CELF2: variants seen among roughly 807,000 people sequenced by gnomAD.
CELF2 encodes the protein CUG triplet repeat RNA-binding protein 2.
A neutral mutation model predicts 62.6 loss-of-function variants in CELF2; 8 were observed. The ratio of observed to expected loss-of-function variants is 0.13; its 90% CI spans 0.07 to 0.23. CELF2 has a LOEUF of 0.23. Ranked by LOEUF, CELF2 falls within the 10% of genes least tolerant of loss-of-function variation. CELF2 has a pLI of 1.00. For synonymous variants in CELF2, 258 were observed against 250.0 expected, an observed-to-expected ratio of 1.03 and a Z score of -0.30; for missense variants, 333 against 671.0, an observed-to-expected ratio of 0.50 and a Z score of 5.56.
At chr10:10,551,016 T>C in the CELF2 span, among the ~76,000 whole-genome samples, 560 of 152,268 alleles carry the variant, frequency 3.7e-3, 2 homozygotes, top group African/African-American at 0.013. Context: ...CTTAATTCAG[T>C]CCAAATTCCT....
At chr10:10,559,936 T>C in the CELF2 span, among the ~76,000 whole-genome samples, 3 of 152,186 alleles carry the variant, frequency 2.0e-5, no homozygotes, top group African/African-American at 7.2e-5. Context: ...TGATGAAGCT[T>C]TAGAAGTCCC....
At chr10:11,054,273 CA>C (rs2064651345) in intron 1 of CELF2, among the ~76,000 whole-genome samples, 1 of 152,176 alleles carries the variant, frequency 6.6e-6, no homozygotes, top group Non-Finnish European at 1.5e-5. Context: ...TTTCCTTCAC[CA>C]AAGCTTTGAT....
At position 11,279,743 on chromosome 10, in the gene CELF2, AT is replaced by A. The variant is rs368849009; in HGVS notation, c.841+4631del. On this transcript the variant is annotated intron_variant, in intron 8 of 12. Coordinates refer to ENST00000633077, the MANE Select transcript of CELF2 (RefSeq NM_001326342.2). ...TTTCATGCCCTTCTCCTTATAAATA[AT>A]TTTTTTTAAATCTTAAGTTTCAAGT... Among the ~76,000 whole-genome samples the A allele has an allele frequency of 7.4e-3, 1,125 of 152,192 alleles. 12 individuals are homozygous for A. Among genetic ancestry groups the A allele is most frequent in the African/African-American group, 0.025 (1,048 of 41,514 alleles).
chr10:11,119,425 A>G (rs1013367450), intron 1 of CELF2, among the ~76,000 whole-genome samples: 1 of 152,210 alleles, frequency 6.6e-6, no homozygotes, highest in Non-Finnish European at 1.5e-5. Flanking sequence ...TTTCTTTCAT[A>G]GCACTTTAAA....
At chr10:11,240,090 A>G (rs1251109646) in intron 3 of CELF2, among the ~76,000 whole-genome samples, 2 of 152,232 alleles carry the variant, frequency 1.3e-5, no homozygotes, top group Non-Finnish European at 2.9e-5. Context: ...GTTAATCGTG[A>G]TATGTAAAAG....
chr10:10,699,025 C>G, the CELF2 span, among the ~76,000 whole-genome samples: 4 of 151,862 alleles, frequency 2.6e-5, no homozygotes, highest in East Asian at 7.7e-4. Context: ...TATATAGTAT[C>G]CATATAATAT....
At chr10:10,569,006 A>G in the CELF2 span, among the ~76,000 whole-genome samples, 43,945 of 152,066 alleles carry the variant, frequency 0.29, 6,563 homozygotes, top group East Asian at 0.5. Context: ...ATAAAATAGA[A>G]AAAAGGCTAG....
At chr10:10,479,050 G>A in the CELF2 span, among the ~76,000 whole-genome samples, 14 of 152,084 alleles carry the variant, frequency 9.2e-5, no homozygotes, top group African/African-American at 2.2e-4. Flanking sequence ...ATTTTTTTAC[G>A]TTGCTTCCTT....
chr10:10,670,976 AGGCAACAT>A, the CELF2 span, among the ~76,000 whole-genome samples: 1 of 151,990 alleles, frequency 6.6e-6, no homozygotes, highest in Non-Finnish European at 1.5e-5. Context: ...AGACCAGCCT[AGGCAACAT>A]GGCAAAACCC....
chr10:10,508,492 C>T, the CELF2 span, among the ~76,000 whole-genome samples: 1 of 152,192 alleles, frequency 6.6e-6, no homozygotes, highest in Non-Finnish European at 1.5e-5. Context: ...TGGCCCAAGC[C>T]ATCTGAAATG....
the CELF2 span, among the ~76,000 whole-genome samples, chr10:10,545,126 G>A: frequency 2.0e-5 from 3 of 152,202 alleles, no homozygotes; most frequent in African/African-American, 7.2e-5. Flanking sequence ...TGACGAGGAA[G>A]ACAAGGGACC....
intron 1 of CELF2, among the ~76,000 whole-genome samples, chr10:11,065,623 A>G (rs1644208540): frequency 1.3e-5 from 2 of 152,216 alleles, no homozygotes; most frequent in African/African-American, 4.8e-5. Flanking sequence ...AAAAACTTAA[A>G]TCTAAAATAT....
the CELF2 span, among the ~76,000 whole-genome samples, chr10:10,522,609 G>T: frequency 3.3e-5 from 5 of 152,088 alleles, no homozygotes; most frequent in Non-Finnish European, 5.9e-5. Flanking sequence ...TGCTCTTATT[G>T]TCCAGGCTGG....
At chr10:11,022,080 C>T (rs2138152159) in intron 1 of CELF2, among the ~76,000 whole-genome samples, 1 of 152,256 alleles carries the variant, frequency 6.6e-6, no homozygotes, top group South Asian at 2.1e-4. Context: ...TTAGAAAATG[C>T]AGTTATAAAT....
At chr10:10,553,121 C>T in the CELF2 span, among the ~76,000 whole-genome samples, 1 of 152,170 alleles carries the variant, frequency 6.6e-6, no homozygotes, top group Non-Finnish European at 1.5e-5. Flanking sequence ...GCAAGGTAGG[C>T]CTCAGCAAAC....
At chr10:10,702,783 G>A in the CELF2 span, among the ~76,000 whole-genome samples, 2 of 152,074 alleles carry the variant, frequency 1.3e-5, no homozygotes, top group East Asian at 1.9e-4. Context: ...ACGGGTTTTC[G>A]CCATGTTGGC....
chr10:10,596,119 G>T, the CELF2 span, among the ~76,000 whole-genome samples: 2 of 152,074 alleles, frequency 1.3e-5, no homozygotes, highest in Admixed American at 1.3e-4. Flanking sequence ...GGACTCACCT[G>T]TCCTGTATCA....
chr10:10,539,682 G>A, the CELF2 span, among the ~76,000 whole-genome samples: 4 of 152,170 alleles, frequency 2.6e-5, no homozygotes, highest in Non-Finnish European at 4.4e-5. Flanking sequence ...CTTTTACTCA[G>A]CTTGCACTGA....
At chr10:10,783,130 CG>C in the CELF2 span, among the ~76,000 whole-genome samples, 1 of 152,094 alleles carries the variant, frequency 6.6e-6, no homozygotes, top group East Asian at 1.9e-4. Flanking sequence ...TGACTTCTTT[CG>C]GGTGGCAGAA....
Sources: allele counts gnomAD v4.1 joint callset (sites outside exome capture counted in the v4.1 genomes callset), GRCh38; gene constraint gnomAD v4.1.1; transcripts MANE v1.5; gene names NCBI Gene and HGNC (gene_info 2026-07-23, HGNC 2026-07-21).